CUL4A: variants seen among roughly 807,000 people sequenced by gnomAD.
CUL4A encodes the protein cullin-4A.
A neutral mutation model predicts 95.5 loss-of-function variants in CUL4A; 16 were observed. That is an observed-to-expected ratio of 0.17 (90% CI 0.11 to 0.25). The LOEUF (loss-of-function observed/expected upper bound fraction) is 0.25, where lower values mean the gene tolerates loss of function less well. Ranked by LOEUF, CUL4A falls within the 10% of genes least tolerant of loss-of-function variation. The pLI is 1.00. For missense variants in CUL4A, 610 were observed against 937.0 expected (o/e 0.65, Z 4.56); for synonymous variants, 380 against 353.1 (o/e 1.08, Z -0.85).
In CUL4A at chr13:113,220,711, G is replaced by A. The variant is rs117479741; in HGVS notation, c.368+1663G>A. ...ACCTGATCAAATGAATCTTTTGCCA[G>A]TTACTCCTACTCTGTGGGTTGACTA... On this transcript the variant is annotated intron_variant, in intron 3 of 19. Coordinates refer to ENST00000375440, the MANE Select transcript of CUL4A (RefSeq NM_001008895.4). Among the ~76,000 whole-genome samples, 358 of 152,288 alleles carry A rather than the reference G, an allele frequency of 2.4e-3. 1 individual carries two copies. Among genetic ancestry groups the A allele is most frequent in the Middle Eastern group, 0.014 (4 of 294 alleles).
chr13:113,245,041 T>C lies in CUL4A; in HGVS notation c.1426T>C (p.Leu476=), dbSNP rs1270290128. ...SASVDAEKSM[L]SKLKHECGAA... ...CTCAGTCGATGCTGAAAAGTCTATGTTGTCAAAGCTCAAGCATGGTAAGTA... is the reference window on the plus strand; with the variant it reads ...CTCAGTCGATGCTGAAAAGTCTATGCTGTCAAAGCTCAAGCATGGTAAGTA... Residue 476 remains leucine, a synonymous_variant, in exon 13 of 20, where the codon TTG becomes CTG. Transcript: ENST00000375440. 6.2e-7 allele frequency: 1 copy of C among 1,614,100 alleles called. No homozygotes were observed. The highest frequency in any genetic ancestry group is 1.1e-5 in the South Asian group (1 of 91,076).
In CUL4A at chr13:113,265,371, A is replaced by T. The variant is rs2042380564; in HGVS notation, c.*1789A>T. 2.0e-5 allele frequency: 3 copies of T among 152,226 alleles called. No individual in the cohort carries two copies. The highest frequency in any genetic ancestry group is 2.0e-4 in the Admixed American group (3 of 15,278). 9.4% of individuals were successfully genotyped at this position (152,226 alleles called of 1,614,324 possible). On this transcript the variant is annotated 3_prime_UTR_variant, in exon 20 of 20. Transcript: ENST00000375440. ...AGACCATCCTGAGCACCATAGGGAG[A>T]TCCTGTTTCCATTTTAGTTTATTTA...
intron 5 of CUL4A, among the ~76,000 whole-genome samples, chr13:113,231,118 C>T (rs2041296026): frequency 6.6e-6 from 1 of 152,128 alleles, no homozygotes; most frequent in Non-Finnish European, 1.5e-5. Flanking sequence ...AACTGTCATA[C>T]AAACTATAAA....
rs780889087 is a variant in CUL4A at position 113,219,063 on chromosome 13, G to C, written c.368+15G>C. On this transcript the variant is annotated intron_variant, in intron 3 of 19. Coordinates refer to ENST00000375440, the MANE Select transcript of CUL4A (RefSeq NM_001008895.4). ...CCGTTTAGAGAATATCCTTTTTTTGGTTCATAAAGTTTCTATTCATTATCT... is the reference window on the plus strand; with the variant it reads ...CCGTTTAGAGAATATCCTTTTTTTGCTTCATAAAGTTTCTATTCATTATCT... 6.5e-7 allele frequency: 1 copy of C among 1,527,970 alleles called. No homozygotes were observed. The highest frequency in any genetic ancestry group is 1.4e-5 in the African/African-American group (1 of 71,924). 94.7% of individuals were successfully genotyped at this position (1,527,970 alleles called of 1,614,324 possible). A position where few individuals can be genotyped will look rare whatever the true frequency, so the allele number is the denominator to read the frequency against.
intron 2 of CUL4A, among the ~76,000 whole-genome samples, chr13:113,216,857 G>A (rs1345828486): frequency 6.6e-6 from 1 of 152,196 alleles, no homozygotes; most frequent in Non-Finnish European, 1.5e-5. Flanking sequence ...CCTGTAATAT[G>A]AAGCCGGGAG....
intron 18 of CUL4A, among the ~76,000 whole-genome samples, chr13:113,256,916 T>C (rs1453523410): frequency 6.9e-6 from 1 of 145,938 alleles, no homozygotes; most frequent in Non-Finnish European, 1.5e-5. Flanking sequence ...TTTGTCCCTT[T>C]TTTTTTTTCG....
upstream of CUL4A, chr13:113,208,330 G>C (rs948412169): frequency 7.0e-7 from 1 of 1,433,102 alleles, no homozygotes; most frequent in Non-Finnish European, 9.1e-7. Context: ...GCAGCGACCT[G>C]GGACCGCCGC....
rs919115000 is a variant in CUL4A, at chr13:113,233,760, G to T, written c.676-137G>T. On this transcript the variant is annotated intron_variant, in intron 6 of 19. Transcript: ENST00000375440. Reference sequence around the variant, plus strand: ...CGGCCGTTTTGGGAAGGACAGTGCAGCCGGCCGGCTGGGTGGCCACAGGCG... The same window carrying T: ...CGGCCGTTTTGGGAAGGACAGTGCATCCGGCCGGCTGGGTGGCCACAGGCG... 4.5e-6 allele frequency: 3 copies of T among 659,852 alleles called. No individual in the cohort carries two copies. In the African/African-American group the frequency reaches 5.5e-5, roughly 12 times the overall value. 40.9% of individuals were successfully genotyped at this position (659,852 alleles called of 1,614,324 possible).
chr13:113,240,556 C>T (rs964087143), intron 10 of CUL4A, among the ~76,000 whole-genome samples: 1 of 151,934 alleles, frequency 6.6e-6, no homozygotes. Flanking sequence ...TTCTTAAATC[C>T]CATAATGAAA....
chr13:113,236,798 C>G, intron 8 of CUL4A, 25 bp from the exon 9 acceptor site: 11 of 1,532,002 alleles, frequency 7.2e-6, no homozygotes, highest in Non-Finnish European at 9.9e-6. Context: ...TTACTTCTAA[C>G]GCTTATTCTT....
intron 2 of CUL4A, among the ~76,000 whole-genome samples, chr13:113,214,527 AAG>A (rs1207625711): frequency 3.3e-5 from 5 of 151,890 alleles, no homozygotes; most frequent in Non-Finnish European, 7.4e-5. Context: ...TTTAAAAAAA[AAG>A]AGAGAGAGAG....
upstream of CUL4A, chr13:113,208,867 T>C (rs902531715): frequency 1.7e-5 from 24 of 1,402,392 alleles, no homozygotes; most frequent in African/African-American, 3.3e-4. Flanking sequence ...GCGGCTCTGA[T>C]TGTGTGTTCG....
rs757431487 is a variant in CUL4A at position 113,233,902 on chromosome 13, T to C, written c.681T>C (p.Tyr227=). 3 of 1,572,678 alleles carry C rather than the reference T, an allele frequency of 1.9e-6. No individual in the cohort carries two copies. In the South Asian group the frequency reaches 3.3e-5, roughly 17 times the overall value. Residue 227 remains tyrosine, a synonymous_variant, in exon 7 of 20, where the codon TAT becomes TAC. Transcript: ENST00000375440. ...LLGMLSDLQV[Y]KDSFELKFLE... Reference sequence around the variant, plus strand: ...TAACTCTGCTTGTTTCTTAGGTGTATAAAGATTCATTTGAACTGAAATTTT... The same window carrying C: ...TAACTCTGCTTGTTTCTTAGGTGTACAAAGATTCATTTGAACTGAAATTTT...
chr13:113,238,899 T>C (rs1370075074), intron 9 of CUL4A, among the ~76,000 whole-genome samples: 1 of 152,232 alleles, frequency 6.6e-6, no homozygotes, highest in Non-Finnish European at 1.5e-5. Context: ...GTTTTTCTCA[T>C]TGAGGTATGG....
At chr13:113,259,591 A>G (rs973026423) in intron 18 of CUL4A, among the ~76,000 whole-genome samples, 8 of 152,196 alleles carry the variant, frequency 5.3e-5, no homozygotes, top group African/African-American at 1.9e-4. Context: ...TTCAGCATCT[A>G]TCAAGATGGT....
chr13:113,265,462 A>C lies in CUL4A; in HGVS notation c.*1880A>C, dbSNP rs1011889254. 3.9e-5 allele frequency: 6 copies of C among 152,302 alleles called. No homozygotes were observed. Among genetic ancestry groups the C allele is most frequent in the African/African-American group, 7.2e-5 (3 of 41,450 alleles). The allele number at this position is 152,302 out of a possible 1,614,324, so 9.4% of individuals were successfully genotyped here. ...GAGTGCAGTGGTGCAATCTCAGCTC[A>C]CTGCACCCTCCGCCTCCTGGGTTCA... On this transcript the variant is annotated 3_prime_UTR_variant, in exon 20 of 20. Transcript: ENST00000375440.
At chr13:113,250,207 C>T (rs961006663) in intron 15 of CUL4A, among the ~76,000 whole-genome samples, 4 of 152,186 alleles carry the variant, frequency 2.6e-5, no homozygotes, top group African/African-American at 9.7e-5. Flanking sequence ...CACCTGTAAT[C>T]TCAGAACTTT....
rs752942300 is a variant in CUL4A, at chr13:113,242,994, T to C, written c.1062T>C (p.Asn354=). 3.7e-6 allele frequency: 6 copies of C among 1,611,126 alleles called. No individual in the cohort carries two copies. The African/African-American group carries it at 8.0e-5, about 22-fold the overall frequency. ...CTTTTGGAACAGCGATCGTAATCAATCCTGAGAAAGACAAAGACATGGTCC... is the reference window on the plus strand; with the variant it reads ...CTTTTGGAACAGCGATCGTAATCAACCCTGAGAAAGACAAAGACATGGTCC... ...IKTFGTAIVI[N]PEKDKDMVQD... Residue 354 remains asparagine, a synonymous_variant, in exon 11 of 20, where the codon AAT becomes AAC. Coordinates refer to ENST00000375440, the MANE Select transcript of CUL4A (RefSeq NM_001008895.4).
rs543598473 is a variant in CUL4A, at chr13:113,260,114, GA to G, written c.2032-491del. 4.6e-3 allele frequency among the ~76,000 whole-genome samples: 678 copies of G among 148,922 alleles called. 5 individuals carry two copies. Among genetic ancestry groups the G allele is most frequent in the African/African-American group, 0.015 (598 of 40,500 alleles). Reference sequence around the variant, plus strand: ...AGCTACTTGAGAGGCTGAGACAGGAGAATGGCGTGAACCCGGGGGGCGGAGC... The same window carrying G: ...AGCTACTTGAGAGGCTGAGACAGGAGATGGCGTGAACCCGGGGGGCGGAGC... On this transcript the variant is annotated intron_variant, in intron 18 of 19. Coordinates refer to ENST00000375440, the MANE Select transcript of CUL4A (RefSeq NM_001008895.4).
Sources: gnomAD v4.1 joint callset for allele counts (sites outside exome capture counted in the v4.1 genomes callset) on GRCh38, gnomAD v4.1.1 for gene constraint, MANE v1.5 for transcripts, NCBI Gene and HGNC (gene_info 2026-07-23, HGNC 2026-07-21) for gene names.